Variants in SUPT3H observed in about 807,000 individuals in gnomAD.
SUPT3H encodes transcription initiation protein SPT3 homolog.
SUPT3H carries 44 observed loss-of-function variants against 44.3 expected under a neutral mutation model. The observed-to-expected ratio is 0.99, with a 90% CI of 0.78 to 1.28. The LOEUF (loss-of-function observed/expected upper bound fraction) is 1.28. SUPT3H is among the 50% of genes most tolerant of loss of function. The probability of loss-of-function intolerance (pLI) is 0.00; values close to 1 mark genes in which losing one functional copy is unlikely to be tolerated. For synonymous variants in SUPT3H, 124 were observed against 125.6 expected (o/e 0.99, Z 0.09); for missense variants, 380 against 387.1 (o/e 0.98, Z 0.15).
rs73737834 is a variant in SUPT3H, at chr6:45,025,145, T to C, written c.187-4513A>G. ...TTACTGCCGGTCTCTAATATAGTAC[T>C]ATAGTTAAATTATGAGAAAATCCTG... On this transcript the variant is annotated intron_variant, in intron 3 of 10. Transcript: ENST00000371459. Among the ~76,000 whole-genome samples the C allele has an allele frequency of 3.9e-3, 593 of 152,328 alleles. 7 individuals carry two copies. The highest frequency in any genetic ancestry group is 0.014 in the African/African-American group (565 of 41,564).
intron 10 of SUPT3H, among the ~76,000 whole-genome samples, chr6:44,850,145 C>G (rs112299647): frequency 1.3e-5 from 2 of 152,092 alleles, no homozygotes; most frequent in Admixed American, 1.3e-4. Context: ...AAAGAATCAA[C>G]AATTTTAAAA....
chr6:44,903,829 C>T (rs1390363950), intron 10 of SUPT3H, among the ~76,000 whole-genome samples: 1 of 152,154 alleles, frequency 6.6e-6, no homozygotes, highest in African/African-American at 2.4e-5. Flanking sequence ...AAAGCTTATC[C>T]ACCATGATCA....
At chr6:45,180,613 G>A in intron 2 of SUPT3H, among the ~76,000 whole-genome samples, 1 of 151,792 alleles carries the variant, frequency 6.6e-6, no homozygotes, top group Non-Finnish European at 1.5e-5. Context: ...AACAAGCAAT[G>A]GGGAAAGGAT....
Position 45,370,007 on chromosome 6 carries a change from G to A in SUPT3H, c.1-4706C>T, listed in dbSNP as rs73735395. Among the ~76,000 whole-genome samples the A allele has an allele frequency of 7.2e-3, 1,096 of 152,248 alleles. 19 individuals carry two copies. Among genetic ancestry groups the A allele is most frequent in the African/African-American group, 0.025 (1,044 of 41,544 alleles). On this transcript the variant is annotated intron_variant, in intron 1 of 10. Transcript: ENST00000371459. ...ATCTTATAAAGCCTTTAGGCCACAGGAGTTTACATTTCACTTGAGTGTAAT... is the reference window on the plus strand; with the variant it reads ...ATCTTATAAAGCCTTTAGGCCACAGAAGTTTACATTTCACTTGAGTGTAAT...
intron 2 of SUPT3H, among the ~76,000 whole-genome samples, chr6:45,332,650 G>A (rs1266870730): frequency 6.6e-6 from 1 of 151,608 alleles, no homozygotes; most frequent in Non-Finnish European, 1.5e-5. Context: ...AAAATCTTTA[G>A]ACATTTTATA....
At chr6:45,273,734 T>G (rs559182134) in intron 2 of SUPT3H, among the ~76,000 whole-genome samples, 20 of 152,310 alleles carry the variant, frequency 1.3e-4, no homozygotes, top group Admixed American at 1.0e-3. Context: ...TTTGGGTCAT[T>G]TTTATTTTTT....
intron 2 of SUPT3H, among the ~76,000 whole-genome samples, chr6:45,195,610 T>G (rs532979850): frequency 6.6e-6 from 1 of 152,316 alleles, no homozygotes; most frequent in South Asian, 2.1e-4. Flanking sequence ...GTTATTATTT[T>G]GATTGTGATA....
At chr6:45,344,441 T>TC (rs1790438367) in intron 2 of SUPT3H, among the ~76,000 whole-genome samples, 1 of 152,124 alleles carries the variant, frequency 6.6e-6, no homozygotes, top group Admixed American at 6.5e-5. Context: ...TGATGGTTTT[T>TC]TTTTTCATTC....
rs183102849 is a variant in SUPT3H, at chr6:45,286,418, A to C, written c.101+78783T>G. On this transcript the variant is annotated intron_variant, in intron 2 of 10. Coordinates refer to ENST00000371459, the MANE Select transcript of SUPT3H (RefSeq NM_003599.4). ...TTTACAAGAAAAAACAACCCCATCA[A>C]AAAGTGGGCAAAGGATATGAACAGA... Among the ~76,000 whole-genome samples, 519 of 152,308 alleles carry C rather than the reference A, an allele frequency of 3.4e-3. 3 individuals are homozygous for C. Among genetic ancestry groups the C allele is most frequent in the Non-Finnish European group, 5.9e-3 (399 of 68,032 alleles).
At chr6:44,972,469 T>C (rs1235427448) in intron 6 of SUPT3H, among the ~76,000 whole-genome samples, 1 of 152,078 alleles carries the variant, frequency 6.6e-6, no homozygotes, top group African/African-American at 2.4e-5. Flanking sequence ...CATGGGCTGG[T>C]GTTGAGTATC....
At chr6:45,292,249 G>A (rs753283470) in intron 2 of SUPT3H, among the ~76,000 whole-genome samples, 27 of 152,030 alleles carry the variant, frequency 1.8e-4, no homozygotes, top group Admixed American at 5.9e-4. Flanking sequence ...GAGAGAATTC[G>A]CCACTACCAA....
At chr6:45,141,447 A>T (rs915893373) in intron 2 of SUPT3H, among the ~76,000 whole-genome samples, 4 of 151,302 alleles carry the variant, frequency 2.6e-5, no homozygotes, top group African/African-American at 7.3e-5. Context: ...AGTTTTTTTT[A>T]AAAGTACAGC....
intron 2 of SUPT3H, among the ~76,000 whole-genome samples, chr6:45,107,880 T>C (rs113741780): frequency 5.1e-4 from 78 of 152,250 alleles, no homozygotes; most frequent in Middle Eastern, 3.4e-3. Context: ...GTAATTTATG[T>C]TTTTTTAAAA....
At chr6:45,309,242 A>G (rs1304810887) in intron 2 of SUPT3H, among the ~76,000 whole-genome samples, 1 of 151,914 alleles carries the variant, frequency 6.6e-6, no homozygotes, top group Non-Finnish European at 1.5e-5. Flanking sequence ...AGAAATCAGA[A>G]TAATCATTTT....
intron 2 of SUPT3H, among the ~76,000 whole-genome samples, chr6:45,124,236 T>C (rs1035485205): frequency 1.3e-5 from 2 of 151,842 alleles, no homozygotes; most frequent in African/African-American, 2.4e-5. Flanking sequence ...TTATATTATT[T>C]AGTAACTGCA....
At chr6:45,299,649 C>A (rs909626797) in intron 2 of SUPT3H, among the ~76,000 whole-genome samples, 1 of 150,906 alleles carries the variant, frequency 6.6e-6, no homozygotes, top group Non-Finnish European at 1.5e-5. Flanking sequence ...AAAAAATTAA[C>A]AAGCCTATAA....
Position 44,827,825 on chromosome 6 carries a change from C to T in SUPT3H, c.*1991G>A, listed in dbSNP as rs1767931999. ...CTTTATTCTAAATTCAGCTTACTGGCTTATGATGAAAAATGAAAGGTTTTA... is the reference window on the plus strand; with the variant it reads ...CTTTATTCTAAATTCAGCTTACTGGTTTATGATGAAAAATGAAAGGTTTTA... On this transcript the variant is annotated 3_prime_UTR_variant, in exon 11 of 11. Coordinates refer to ENST00000371459, the MANE Select transcript of SUPT3H (RefSeq NM_003599.4). Among the ~76,000 whole-genome samples, 1 of 145,974 alleles carries T rather than the reference C, an allele frequency of 6.9e-6. No homozygotes were observed. Among genetic ancestry groups the T allele is most frequent in the Non-Finnish European group, 1.5e-5 (1 of 66,574 alleles).
intron 2 of SUPT3H, among the ~76,000 whole-genome samples, chr6:45,107,457 T>C (rs967993723): frequency 1.3e-5 from 2 of 152,036 alleles, no homozygotes; most frequent in East Asian, 3.9e-4. Context: ...ACTAGGAAAA[T>C]ACCCATTCCA....
chr6:45,360,824 G>A (rs984145654), intron 2 of SUPT3H, among the ~76,000 whole-genome samples: 2 of 152,122 alleles, frequency 1.3e-5, no homozygotes, highest in Non-Finnish European at 2.9e-5. Flanking sequence ...CCTAAACGTA[G>A]GTAGCTTATC....
Sources: allele counts gnomAD v4.1 joint callset (sites outside exome capture counted in the v4.1 genomes callset), GRCh38; gene constraint gnomAD v4.1.1; transcripts MANE v1.5; gene names NCBI Gene and HGNC (gene_info 2026-07-23, HGNC 2026-07-21).